The following ZNF765 variants were observed in gnomAD, a reference collection of about 807,000 sequenced individuals.
ZNF765 encodes the protein zinc finger protein 765.
ZNF765 carries 37 observed loss-of-function variants against 44.7 expected under a neutral mutation model. That is an observed-to-expected ratio of 0.83 (90% CI 0.64 to 1.09). The LOEUF is 1.09. ZNF765 is among the 50% of genes least tolerant of loss of function. The pLI is 0.00. For synonymous variants in ZNF765, 201 were observed against 213.7 expected, an observed-to-expected ratio of 0.94 and a Z score of 0.52; for missense variants, 594 against 626.1, an observed-to-expected ratio of 0.95 and a Z score of 0.55.
chr19:53,406,669 C>T (rs1309995235), intron 3 of ZNF765, among the ~76,000 whole-genome samples: 2 of 152,198 alleles, frequency 1.3e-5, no homozygotes, highest in African/African-American at 4.8e-5. Flanking sequence ...AATCCCAGGA[C>T]TTTGGGAGGC....
chr19:53,397,223 C>G (rs1387932270), intron 1 of ZNF765, among the ~76,000 whole-genome samples: 1 of 152,200 alleles, frequency 6.6e-6, no homozygotes, highest in Non-Finnish European at 1.5e-5. Context: ...TCTACATACT[C>G]CTCCTTCCTA....
At chr19:53,395,857 T>G (rs1230101898) in intron 1 of ZNF765, among the ~76,000 whole-genome samples, 2 of 152,006 alleles carry the variant, frequency 1.3e-5, no homozygotes, top group Non-Finnish European at 2.9e-5. Context: ...AAGCCTCCGG[T>G]GCTTGTGTAG....
Position 53,426,697 on chromosome 19 carries a change from A to T in ZNF765, c.*3595A>T, listed in dbSNP as rs564813594. 4 of 136,376 alleles carry T rather than the reference A, an allele frequency of 2.9e-5. No individual in the cohort carries two copies. The South Asian group carries it at 9.3e-4, about 32-fold the overall frequency. 8.4% of individuals were successfully genotyped at this position (136,376 alleles called of 1,614,324 possible). On this transcript the variant is annotated 3_prime_UTR_variant, in exon 4 of 4. Transcript: ENST00000594030. ...CTACTGTGAACTGTGCATGCGAGGGATCTGGGTTGCATGCTCTTTATGAGA... is the reference window on the plus strand; with the variant it reads ...CTACTGTGAACTGTGCATGCGAGGGTTCTGGGTTGCATGCTCTTTATGAGA...
intron 2 of ZNF765, among the ~76,000 whole-genome samples, chr19:53,400,783 T>TATATATATATATACACAC (rs10664389): frequency 6.3e-4 from 80 of 126,776 alleles, no homozygotes; most frequent in African/African-American, 2.2e-3. Context: ...TATATATATA[T>TATATATATATATACACAC]ACACACATAC....
At chr19:53,407,654 C>T in intron 3 of ZNF765, 44 bp from the exon 4 acceptor site, 39 of 1,373,004 alleles carry the variant, frequency 2.8e-5, no homozygotes, top group Middle Eastern at 1.9e-4. Context: ...CATTATTTAC[C>T]ATCTGTACTT....
intron 3 of ZNF765, among the ~76,000 whole-genome samples, chr19:53,407,233 A>G (rs975246751): frequency 5.9e-5 from 9 of 152,206 alleles, no homozygotes; most frequent in African/African-American, 1.2e-4. Flanking sequence ...TTGTTTGACA[A>G]TACAGAATTT....
chr19:53,401,517 C>T (rs558208676), intron 2 of ZNF765, among the ~76,000 whole-genome samples: 12 of 149,270 alleles, frequency 8.0e-5, no homozygotes, highest in East Asian at 2.0e-4. Context: ...GAGCCGAGAT[C>T]GCGCCACTGT....
chr19:53,410,760 A>G lies in ZNF765; in HGVS notation c.*1633A>G, dbSNP rs1487627089. On this transcript the variant is annotated 3_prime_UTR_variant, in exon 4 of 4. Coordinates refer to ENST00000396408, the MANE Select transcript of ZNF765 (RefSeq NM_001040185.3). ...CTCGTACTGGAGAGAAACCTTACAA[A>G]TGTCATGATTGTGACAAGGTCTCAG... 2.3e-6 allele frequency: 1 copy of G among 439,986 alleles called. No individual in the cohort carries two copies. The highest frequency in any genetic ancestry group is 4.7e-6 in the Non-Finnish European group (1 of 214,762). The allele number at this position is 439,986 out of a possible 1,614,324, so 27.3% of individuals were successfully genotyped here.
intron 3 of ZNF765, among the ~76,000 whole-genome samples, chr19:53,419,924 C>T (rs148137970): frequency 0.016 from 2,505 of 152,054 alleles, 73 homozygotes; most frequent in African/African-American, 0.057. Flanking sequence ...GAGGATGAAG[C>T]AGGGAGAATT....
intron 3 of ZNF765, among the ~76,000 whole-genome samples, chr19:53,419,116 A>G (rs1162445233): frequency 6.6e-6 from 1 of 152,154 alleles, no homozygotes; most frequent in East Asian, 1.9e-4. Flanking sequence ...TAATCCTTCA[A>G]TAATAATGAT....
intron 2 of ZNF765, 146 bp from the exon 3 acceptor site, chr19:53,401,919 A>G: frequency 6.3e-7 from 1 of 1,578,358 alleles, no homozygotes; most frequent in South Asian, 1.1e-5. Flanking sequence ...CTGGGAAGAC[A>G]AAATGCGGTG....
In ZNF765 at chr19:53,408,745, C is replaced by T. The variant is rs542834295; in HGVS notation, c.1190C>T (p.Ser397Phe). The stretch of plus-strand genomic sequence containing the variant: ...AGCAAGACCTTTAGTCACAAGTCAT[C>T]TCTTACATACCATCGTAGACTTCAT... ...ECSKTFSHKSSLTYHRRLHTE... is the reference protein window; with the variant it reads ...ECSKTFSHKSFLTYHRRLHTE... The change falls in exon 4 of 4, where the codon TCT becomes TTT. Residue 397 changes from serine to phenylalanine, a missense_variant. By Grantham distance (155) the Ser-to-Phe change is radical. Around this residue, in one of 2 missense-constraint regions of ZNF765, gnomAD observed 567 missense variants for 572.6 expected, o/e 0.99. Coordinates refer to ENST00000396408, the MANE Select transcript of ZNF765 (RefSeq NM_001040185.3). 1.3e-5 allele frequency: 20 copies of T among 1,568,666 alleles called. No individual in the cohort carries two copies. In the East Asian group the frequency reaches 4.7e-4, roughly 37 times the overall value.
downstream of ZNF765, among the ~76,000 whole-genome samples, chr19:53,412,406 C>G (rs1160003847): frequency 6.6e-6 from 1 of 152,144 alleles, no homozygotes; most frequent in Non-Finnish European, 1.5e-5. Flanking sequence ...TTTACATCCT[C>G]TTGAATACAG....
intron 3 of ZNF765, among the ~76,000 whole-genome samples, chr19:53,406,174 A>T (rs1359906620): frequency 2.0e-5 from 3 of 150,542 alleles, no homozygotes; most frequent in Non-Finnish European, 4.4e-5. Context: ...GATTACAGGC[A>T]GCCACCACCA....
intron 3 of ZNF765, among the ~76,000 whole-genome samples, chr19:53,403,303 T>C (rs2085746063): frequency 1.3e-5 from 2 of 152,248 alleles, no homozygotes; most frequent in African/African-American, 2.4e-5. Flanking sequence ...AGTTGAAGTA[T>C]TACTGATGGA....
rs1400334299 is a variant in ZNF765, at chr19:53,409,116, C to T, written c.1561C>T (p.Leu521=). The T allele has an allele frequency of 6.2e-7, 1 of 1,612,168 alleles. No homozygotes were observed. Among genetic ancestry groups the T allele is most frequent in the Non-Finnish European group, 8.5e-7 (1 of 1,178,820 alleles). Residue 521 remains leucine, a synonymous_variant, in exon 4 of 4, where the codon CTA becomes TTA. Coordinates refer to ENST00000396408, the MANE Select transcript of ZNF765 (RefSeq NM_001040185.3). ...RHRRIYTGEK[L]HV ...TAGGAGAATTTATACTGGAGAGAAA[C>T]TACACGTGTAATGAGTGTGGTAAGA...
In ZNF765 at chr19:53,409,659, C is replaced by T. The variant is rs2085814894; in HGVS notation, c.*532C>T. 2 of 1,231,470 alleles carry T rather than the reference C, an allele frequency of 1.6e-6. No individual in the cohort carries two copies. Among genetic ancestry groups the T allele is most frequent in the Admixed American group, 3.4e-5 (2 of 58,772 alleles). The allele number at this position is 1,231,470 out of a possible 1,614,324, so 76.3% of individuals were successfully genotyped here. On this transcript the variant is annotated 3_prime_UTR_variant, in exon 4 of 4. Coordinates refer to ENST00000396408, the MANE Select transcript of ZNF765 (RefSeq NM_001040185.3). ...CAAGACCTTTAGTCAGAACTCATAC[C>T]TTACACGCCATCGTAGACTTCATAC...
At chr19:53,401,443 G>C (rs1239607525) in intron 2 of ZNF765, among the ~76,000 whole-genome samples, 1 of 151,984 alleles carries the variant, frequency 6.6e-6, no homozygotes, top group Non-Finnish European at 1.5e-5. Flanking sequence ...GGCGCCTGTA[G>C]TCCCAGCTAC....
At chr19:53,414,494 C>A (rs1430458762), downstream of ZNF765, among the ~76,000 whole-genome samples, 208 of 29,128 alleles carry the variant, frequency 7.1e-3, 15 homozygotes, top group South Asian at 0.018. Context: ...CACACACCCC[C>A]CCCCCCCCCC....
Sources: gnomAD v4.1 joint callset for allele counts (sites outside exome capture counted in the v4.1 genomes callset) on GRCh38, gnomAD v4.1.1 for gene constraint, gnomAD v4.1.1 regional missense constraint, MANE v1.5 for transcripts, NCBI Gene and HGNC (gene_info 2026-07-23, HGNC 2026-07-21) for gene names.